The following PTPRG variants were observed in gnomAD, a reference collection of about 807,000 sequenced individuals.
PTPRG encodes protein tyrosine phosphatase receptor type G.
PTPRG carries 102 observed loss-of-function variants against 165.3 expected under a neutral mutation model. The ratio of observed to expected loss-of-function variants is 0.62; its 90% CI spans 0.53 to 0.73. The LOEUF (loss-of-function observed/expected upper bound fraction) is 0.73, where lower values mean the gene tolerates loss of function less well. PTPRG is among the 30% of genes least tolerant of loss of function. PTPRG has a pLI of 0.00. For synonymous variants in PTPRG, 675 were observed against 669.5 expected (o/e 1.01, Z -0.13); for missense variants, 1,866 against 1,861.4 (o/e 1.00, Z -0.05).
intron 20 of PTPRG, among the ~76,000 whole-genome samples, chr3:62,270,526 T>C (rs909989755): frequency 2.6e-5 from 4 of 152,168 alleles, no homozygotes; most frequent in African/African-American, 9.7e-5. Flanking sequence ...CTTACTCTTG[T>C]TTTAGAAACA....
At position 61,873,322 on chromosome 3, in the gene PTPRG, T is replaced by C. The variant is rs146648579; in HGVS notation, c.191-116303T>C. On this transcript the variant is annotated intron_variant, in intron 2 of 29. Transcript: ENST00000474889. ...CCATGCAACTGCTAAAATGAATGAA[T>C]AGGACCAGCAGATCAGTGTGGATAC... is the stretch of plus-strand genomic sequence containing the variant. Among the ~76,000 whole-genome samples, 314 of 152,300 alleles carry C rather than the reference T, an allele frequency of 2.1e-3. 2 individuals carry two copies. Among genetic ancestry groups the C allele is most frequent in the African/African-American group, 7.3e-3 (302 of 41,558 alleles).
rs1319571467 is a variant in PTPRG, at chr3:62,228,771, T to C, written c.2289-2454T>C. 6.6e-6 allele frequency among the ~76,000 whole-genome samples: 1 copy of C among 152,164 alleles called. No individual in the cohort carries two copies. Among genetic ancestry groups the C allele is most frequent in the African/African-American group, 2.4e-5 (1 of 41,438 alleles). Reference sequence around the variant, plus strand: ...TCAGTCCTGGTTGCTCAATGTCCTCTTATGCTGAGGGAGAGTGAGAATCAA... The same window carrying C: ...TCAGTCCTGGTTGCTCAATGTCCTCCTATGCTGAGGGAGAGTGAGAATCAA... On this transcript the variant is annotated intron_variant, in intron 13 of 29. Transcript: ENST00000474889. The surrounding 1 kb of genome is among the most constrained non-coding windows in gnomAD (Gnocchi z 4.1).
At chr3:62,225,362 CTGGGAGAGGAGCTA>C (rs1002255699) in intron 13 of PTPRG, among the ~76,000 whole-genome samples, 8 of 152,236 alleles carry the variant, frequency 5.3e-5, no homozygotes, top group African/African-American at 1.4e-4. Context: ...GAGGTTAATG[CTGGGAGAGGAGCTA>C]TGGGAGAGGA....
chr3:62,107,863 C>G (rs1702527457), intron 5 of PTPRG, among the ~76,000 whole-genome samples: 1 of 152,158 alleles, frequency 6.6e-6, no homozygotes, highest in African/African-American at 2.4e-5. Context: ...AGCTTTTAAT[C>G]AATGCCTTAT....
chr3:62,082,973 A>G (rs1701629956), intron 5 of PTPRG, among the ~76,000 whole-genome samples: 1 of 152,238 alleles, frequency 6.6e-6, no homozygotes, highest in Non-Finnish European at 1.5e-5. Context: ...TATCGAAAGC[A>G]TAGGGGAACA....
chr3:61,742,987 T>G (rs1200423136), intron 1 of PTPRG: 16 of 1,527,094 alleles, frequency 1.0e-5, no homozygotes, highest in African/African-American at 1.4e-5. Context: ...CTGGGGGTCA[T>G]AGTTCTTCAA....
intron 1 of PTPRG, among the ~76,000 whole-genome samples, chr3:61,728,628 G>A (rs1011859339): frequency 2.6e-5 from 4 of 152,008 alleles, no homozygotes; most frequent in African/African-American, 9.7e-5. Flanking sequence ...ATGGTGTCTA[G>A]CACACACACA....
chr3:62,044,513 TG>T (rs1700226552), intron 4 of PTPRG, among the ~76,000 whole-genome samples: 1 of 151,280 alleles, frequency 6.6e-6, no homozygotes. Context: ...CACTCCAGCC[TG>T]GGTGACAGAG....
intron 1 of PTPRG, among the ~76,000 whole-genome samples, chr3:61,608,154 T>C (rs1207448597): frequency 1.4e-5 from 2 of 147,666 alleles, no homozygotes; most frequent in African/African-American, 4.9e-5. Context: ...TGCTGTTTGA[T>C]GCCTTGTCAG....
At chr3:61,761,977 G>A (rs1251566956) in intron 2 of PTPRG, among the ~76,000 whole-genome samples, 1 of 152,170 alleles carries the variant, frequency 6.6e-6, no homozygotes, top group Non-Finnish European at 1.5e-5. Flanking sequence ...TTAGTACACT[G>A]AGTATTGATT....
At chr3:61,817,162 AAT>A (rs1200448932) in intron 2 of PTPRG, among the ~76,000 whole-genome samples, 1 of 117,964 alleles carries the variant, frequency 8.5e-6, no homozygotes, top group Non-Finnish European at 1.7e-5. Flanking sequence ...TATAATATAT[AAT>A]ATATAATAAT....
intron 2 of PTPRG, among the ~76,000 whole-genome samples, chr3:61,932,785 C>T (rs1240905324): frequency 6.6e-6 from 1 of 152,170 alleles, no homozygotes; most frequent in Admixed American, 6.5e-5. Flanking sequence ...CAGTTTCTCT[C>T]ACAGTTGCTT....
intron 6 of PTPRG, among the ~76,000 whole-genome samples, chr3:62,149,467 C>T (rs1704246050): frequency 6.6e-6 from 1 of 152,076 alleles, no homozygotes; most frequent in Non-Finnish European, 1.5e-5. Flanking sequence ...TGTGGTTTCG[C>T]CAAGTTGGCC....
chr3:62,191,746 G>C, intron 9 of PTPRG, 93 bp downstream of exon 9: 1 of 1,258,888 alleles, frequency 7.9e-7, no homozygotes, highest in Non-Finnish European at 1.1e-6. Flanking sequence ...TGCCAGCTCT[G>C]TGTCATCTGT....
chr3:61,704,656 G>A (rs908765549), intron 1 of PTPRG, among the ~76,000 whole-genome samples: 5 of 151,282 alleles, frequency 3.3e-5, no homozygotes, highest in African/African-American at 1.2e-4. Flanking sequence ...AAAACACCTG[G>A]TGGCTGTTGC....
chr3:61,689,077 T>C (rs959555719), intron 1 of PTPRG, among the ~76,000 whole-genome samples: 1 of 152,224 alleles, frequency 6.6e-6, no homozygotes, highest in African/African-American at 2.4e-5. Context: ...TTGAGGACTG[T>C]TTTTACTGTA....
rs151071482 is a variant in PTPRG, at chr3:61,857,474, A to T, written c.190+108492A>T. 5.3e-5 allele frequency among the ~76,000 whole-genome samples: 8 copies of T among 152,296 alleles called. 1 individual carries two copies. In the East Asian group the frequency reaches 1.5e-3, roughly 29 times the overall value. On this transcript the variant is annotated intron_variant, in intron 2 of 29. Coordinates refer to ENST00000474889, the MANE Select transcript of PTPRG (RefSeq NM_002841.4). Reference sequence around the variant, plus strand: ...ATGGGTCAGGGAGTAGACTAGAGAGATAACTAAGTGGTGATGCATGTGCCA... The same window carrying T: ...ATGGGTCAGGGAGTAGACTAGAGAGTTAACTAAGTGGTGATGCATGTGCCA...
chr3:62,093,791 C>T (rs1489462622), intron 5 of PTPRG, among the ~76,000 whole-genome samples: 5 of 152,158 alleles, frequency 3.3e-5, no homozygotes, highest in East Asian at 1.9e-4. Flanking sequence ...GCTTGCTTTT[C>T]CTTTTAGTGA....
chr3:62,015,950 C>A (rs79343750), intron 4 of PTPRG, among the ~76,000 whole-genome samples: 10,221 of 152,130 alleles, frequency 0.067, 374 homozygotes, highest in Non-Finnish European at 0.082. Flanking sequence ...TTTTAAAAGT[C>A]TTTTAAAGCT....
Sources: gnomAD v4.1 joint callset for allele counts (sites outside exome capture counted in the v4.1 genomes callset) on GRCh38, gnomAD v4.1.1 for gene constraint, Gnocchi (gnomAD v3.1) non-coding constraint, MANE v1.5 for transcripts, NCBI Gene and HGNC (gene_info 2026-07-23, HGNC 2026-07-21) for gene names.